The following UBL7 variants were observed in gnomAD, a reference collection of about 807,000 sequenced individuals.
UBL7 encodes the protein ubiquitin like 7.
Under a neutral mutation model 41.7 loss-of-function variants are expected in UBL7, and 21 were observed. The observed-to-expected ratio is 0.50, with a 90% CI of 0.36 to 0.73. The LOEUF is 0.73. UBL7 is among the 30% of genes least tolerant of loss of function. UBL7 has a pLI of 0.00. For synonymous variants in UBL7, 157 were observed against 186.9 expected (o/e 0.84, Z 1.31); for missense variants, 403 against 478.4 (o/e 0.84, Z 1.47).
intron 6 of UBL7, 57 bp from the exon 7 acceptor site, chr15:74,450,126 T>A: frequency 1.3e-6 from 2 of 1,533,742 alleles, no homozygotes; most frequent in African/African-American, 2.7e-5. Flanking sequence ...CCCTCAGCCA[T>A]AACAGGAGTT....
intron 3 of UBL7, among the ~76,000 whole-genome samples, chr15:74,454,534 G>C (rs2061277356): frequency 6.6e-6 from 1 of 152,120 alleles, no homozygotes; most frequent in Non-Finnish European, 1.5e-5. Flanking sequence ...AAGTAGCTGG[G>C]ATTACAAGCA....
At chr15:74,449,440 G>C in intron 8 of UBL7, 87 bp from the exon 9 acceptor site, 1 of 1,560,798 alleles carries the variant, frequency 6.4e-7, no homozygotes, top group South Asian at 1.2e-5. Context: ...TAGTTCTTGG[G>C]GAAACTCTTA....
intron 3 of UBL7, 138 bp from the exon 4 acceptor site, chr15:74,452,516 A>C (rs2061259780): frequency 1.2e-6 from 1 of 814,470 alleles, no homozygotes; most frequent in Non-Finnish European, 1.9e-6. Context: ...TAAGAATGTG[A>C]GTGCCTGCTC....
At position 74,446,264 on chromosome 15, in the gene UBL7, G is replaced by T; in HGVS notation, c.1006-37C>A. ...TAGGAATGGGCAGAAGCTGTTAGCT[G>T]GGATCCAGTGAAGACTCACTTAGGT... On this transcript the variant is annotated intron_variant, in intron 10 of 10. Transcript: ENST00000395081. The surrounding 1 kb of genome is among the most constrained non-coding windows in gnomAD (Gnocchi z 4.1). 6.2e-7 allele frequency: 1 copy of T among 1,612,158 alleles called. No homozygotes were observed. The highest frequency in any genetic ancestry group is 1.1e-5 in the South Asian group (1 of 90,870).
At chr15:74,448,343 G>A in intron 10 of UBL7, 135 bp downstream of exon 10, 1 of 1,399,226 alleles carries the variant, frequency 7.1e-7, no homozygotes, top group South Asian at 1.3e-5. Flanking sequence ...CTCTGCACCT[G>A]TCCCACTGCC....
intron 1 of UBL7, among the ~76,000 whole-genome samples, chr15:74,459,462 C>T (rs1382675614): frequency 6.8e-6 from 1 of 146,760 alleles, no homozygotes; most frequent in Non-Finnish European, 1.5e-5. Context: ...GCACCCGCCA[C>T]GACGCCAGGC....
chr15:74,450,684 G>T, intron 6 of UBL7, 118 bp downstream of exon 6: 2 of 1,088,178 alleles, frequency 1.8e-6, no homozygotes, highest in Non-Finnish European at 2.8e-6. Context: ...TATCTAAGGG[G>T]TAGACTTGGT....
At chr15:74,458,003 T>G (rs1277542771) in intron 2 of UBL7, among the ~76,000 whole-genome samples, 1 of 152,124 alleles carries the variant, frequency 6.6e-6, no homozygotes, top group Non-Finnish European at 1.5e-5. Context: ...TTACTGCCTT[T>G]CCTTTACTCA....
intron 3 of UBL7, among the ~76,000 whole-genome samples, chr15:74,453,150 A>C (rs1365744736): frequency 1.3e-5 from 2 of 152,324 alleles, no homozygotes; most frequent in East Asian, 3.9e-4. Flanking sequence ...GGTGGCAGCC[A>C]CATCCTTATC....
chr15:74,448,468 G>A lies in UBL7; in HGVS notation c.1005+10C>T, dbSNP rs2061206903. On this transcript the variant is annotated intron_variant, in intron 10 of 10. Coordinates refer to ENST00000395081, the MANE Select transcript of UBL7 (RefSeq NM_032907.5). ...AGCCACATGGAAACCAAGACGTGGGGAAGACTGACCTGAAGGCTGGGCTGC... is the reference window on the plus strand; with the variant it reads ...AGCCACATGGAAACCAAGACGTGGGAAAGACTGACCTGAAGGCTGGGCTGC... The A allele has an allele frequency of 6.2e-7, 1 of 1,613,480 alleles. No homozygotes were observed. Among genetic ancestry groups the A allele is most frequent in the East Asian group, 2.2e-5 (1 of 44,844 alleles).
intron 1 of UBL7, chr15:74,460,770 AAG>A (rs774196670): frequency 7.8e-7 from 1 of 1,278,228 alleles, no homozygotes; most frequent in South Asian, 1.3e-5. Context: ...ATTGCTTCCA[AAG>A]AGACCTCTGA....
intron 8 of UBL7, 51 bp downstream of exon 8, chr15:74,449,575 C>A: frequency 6.2e-7 from 1 of 1,613,722 alleles, no homozygotes; most frequent in East Asian, 2.2e-5. Flanking sequence ...TCATTCCCAG[C>A]ACCATCTCCC....
At chr15:74,460,950 G>A (rs947487569) in intron 1 of UBL7, 87 bp downstream of exon 1, 2 of 1,148,414 alleles carry the variant, frequency 1.7e-6, no homozygotes, top group Non-Finnish European at 2.2e-6. Flanking sequence ...TTTTAAAGAT[G>A]AGGGAAGCAA....
At chr15:74,459,696 T>G (rs1262566498) in intron 1 of UBL7, among the ~76,000 whole-genome samples, 1 of 151,698 alleles carries the variant, frequency 6.6e-6, no homozygotes, top group East Asian at 1.9e-4. Flanking sequence ...CTGGGCGCGG[T>G]GGCTCATGCC....
Position 74,446,365 on chromosome 15 carries a change from G to A in UBL7, c.1006-138C>T, listed in dbSNP as rs906171436. The stretch of plus-strand genomic sequence containing the variant: ...GCTGATGCTGAGTTCCACAGAACAC[G>A]GTGCTTCTAGGAAGACTAAAAGATA... On this transcript the variant is annotated intron_variant, in intron 10 of 10. Coordinates refer to ENST00000395081, the MANE Select transcript of UBL7 (RefSeq NM_032907.5). This position sits in a 1 kb window ranked among gnomAD's most constrained non-coding sequence, Gnocchi z 4.1. The A allele has an allele frequency of 4.6e-6, 5 of 1,079,102 alleles. No individual in the cohort carries two copies. The highest frequency in any genetic ancestry group is 2.2e-4 in the Middle Eastern group (1 of 4,620). 66.8% of individuals were successfully genotyped at this position (1,079,102 alleles called of 1,614,324 possible).
chr15:74,449,451 A>G, intron 8 of UBL7, 98 bp from the exon 9 acceptor site: 1 of 1,546,798 alleles, frequency 6.5e-7, no homozygotes, highest in Non-Finnish European at 8.8e-7. Flanking sequence ...GAAACTCTTA[A>G]GTTCCCAGGT....
chr15:74,446,513 T>A lies in UBL7; in HGVS notation c.1006-286A>T, dbSNP rs912691486. ...TGAATTCCAAGAGGCTAAATTACTTTCTTTCTCTTGCTATGTGTACACACA... is the reference window on the plus strand; with the variant it reads ...TGAATTCCAAGAGGCTAAATTACTTACTTTCTCTTGCTATGTGTACACACA... On this transcript the variant is annotated intron_variant, in intron 10 of 10. Coordinates refer to ENST00000395081, the MANE Select transcript of UBL7 (RefSeq NM_032907.5). This position sits in a 1 kb window ranked among gnomAD's most constrained non-coding sequence, Gnocchi z 4.1. Among the ~76,000 whole-genome samples, 1 of 152,248 alleles carries A rather than the reference T, an allele frequency of 6.6e-6. No individual in the cohort carries two copies. Among genetic ancestry groups the A allele is most frequent in the Admixed American group, 6.5e-5 (1 of 15,286 alleles).
intron 10 of UBL7, among the ~76,000 whole-genome samples, chr15:74,447,656 G>C (rs745676779): frequency 3.3e-5 from 5 of 152,132 alleles, no homozygotes; most frequent in Non-Finnish European, 5.9e-5. Context: ...ACAGTAAGTT[G>C]TGATCACACC....
At chr15:74,448,735 A>G in intron 9 of UBL7, 135 bp from the exon 10 acceptor site, 10 of 1,276,772 alleles carry the variant, frequency 7.8e-6, no homozygotes, top group Non-Finnish European at 9.9e-6. Flanking sequence ...CTGCCATAAG[A>G]CAACCAAACA....
Sources: gnomAD v4.1 joint callset for allele counts (sites outside exome capture counted in the v4.1 genomes callset) on GRCh38, gnomAD v4.1.1 for gene constraint, Gnocchi (gnomAD v3.1) non-coding constraint, MANE v1.5 for transcripts, NCBI Gene and HGNC (gene_info 2026-07-23, HGNC 2026-07-21) for gene names.